Variants in CERT1 observed in about 807,000 individuals in gnomAD.
CERT1 encodes ceramide transfer protein.
CERT1 carries 31 observed loss-of-function variants against 87.9 expected under a neutral mutation model. The ratio of observed to expected loss-of-function variants is 0.35; its 90% CI spans 0.27 to 0.48. The LOEUF (loss-of-function observed/expected upper bound fraction) is 0.48. Ranked by LOEUF, CERT1 falls within the 20% of genes least tolerant of loss-of-function variation. CERT1 has a pLI of 0.99. For synonymous variants in CERT1, 289 were observed against 250.9 expected, an observed-to-expected ratio of 1.15 and a Z score of -1.44; for missense variants, 487 against 758.0, an observed-to-expected ratio of 0.64 and a Z score of 4.20.
At chr5:75,464,571 T>C (rs1178836900) in intron 2 of CERT1, among the ~76,000 whole-genome samples, 2 of 152,056 alleles carry the variant, frequency 1.3e-5, no homozygotes, top group East Asian at 1.9e-4. Flanking sequence ...TGGTAAAGAC[T>C]TGAGCAGTGT....
intron 3 of CERT1, among the ~76,000 whole-genome samples, chr5:75,458,107 T>C (rs1205050177): frequency 6.6e-6 from 1 of 152,132 alleles, no homozygotes; most frequent in African/African-American, 2.4e-5. Flanking sequence ...TCTTAAGTCA[T>C]ACTCAAGAAT....
At chr5:75,495,430 T>C (rs1208214096) in intron 2 of CERT1, among the ~76,000 whole-genome samples, 2 of 152,074 alleles carry the variant, frequency 1.3e-5, no homozygotes, top group Non-Finnish European at 2.9e-5. Context: ...TGGTGGCGCA[T>C]GCCTGTAGTC....
chr5:75,464,463 C>A (rs1765374768), intron 2 of CERT1, among the ~76,000 whole-genome samples: 1 of 152,166 alleles, frequency 6.6e-6, no homozygotes, highest in South Asian at 2.1e-4. Flanking sequence ...CGGGTGAAGG[C>A]AAGCAGATAA....
chr5:75,416,906 A>G lies in CERT1; in HGVS notation c.807T>C (p.Arg269=). 19 of 1,611,604 alleles carry G rather than the reference A, an allele frequency of 1.2e-5. No homozygotes were observed. Among genetic ancestry groups the G allele is most frequent in the Non-Finnish European group, 1.6e-5 (19 of 1,179,082 alleles). ...LSHCIELMVK[R]EDSWQKRLDK... ...CCAGTCTCTTCTGCCAGCTGTCCTC[A>G]CGTTTAACCATTAGTTCAATACAAT... Residue 269 remains arginine, a synonymous_variant, in exon 7 of 17, where the codon CGT becomes CGC. Transcript: ENST00000643780.
chr5:75,477,079 A>G (rs1271498844), intron 2 of CERT1, among the ~76,000 whole-genome samples: 2 of 152,194 alleles, frequency 1.3e-5, no homozygotes, highest in Non-Finnish European at 2.9e-5. Context: ...AATCATATGC[A>G]AAGTATGAAA....
chr5:75,449,707 G>GT (rs1268855181), intron 3 of CERT1, among the ~76,000 whole-genome samples: 2,687 of 143,276 alleles, frequency 0.019, 30 homozygotes, highest in Non-Finnish European at 0.021. Context: ...TGGTGGTGGT[G>GT]TTTTTTTTTT....
At chr5:75,435,668 G>A (rs1033982283) in intron 3 of CERT1, among the ~76,000 whole-genome samples, 31 of 152,096 alleles carry the variant, frequency 2.0e-4, no homozygotes, top group Non-Finnish European at 2.8e-4. Flanking sequence ...GATTGGTTTC[G>A]TTTCTGGACA....
At chr5:75,444,516 T>C (rs1229500657) in intron 3 of CERT1, among the ~76,000 whole-genome samples, 3 of 152,036 alleles carry the variant, frequency 2.0e-5, no homozygotes, top group Non-Finnish European at 4.4e-5. Context: ...CTGTCTAGTT[T>C]ATCACTGTTT....
At chr5:75,446,286 C>G (rs1764531878) in intron 3 of CERT1, among the ~76,000 whole-genome samples, 1 of 152,120 alleles carries the variant, frequency 6.6e-6, no homozygotes, top group Admixed American at 6.5e-5. Flanking sequence ...CTTTGAATAC[C>G]TCTAGTGAAT....
At chr5:75,386,774 T>A (rs528806867) in intron 12 of CERT1, among the ~76,000 whole-genome samples, 9 of 152,314 alleles carry the variant, frequency 5.9e-5, no homozygotes, top group African/African-American at 2.2e-4. Context: ...TTACTCATAT[T>A]ATTGGGACCA....
downstream of CERT1, chr5:75,375,366 C>T (rs1275060886): frequency 6.6e-6 from 1 of 151,926 alleles, no homozygotes; most frequent in African/African-American, 2.4e-5. Flanking sequence ...AGGCGGATTG[C>T]TTGAACTCAG....
At chr5:75,397,854 A>G (rs570668746) in intron 11 of CERT1, among the ~76,000 whole-genome samples, 7 of 152,234 alleles carry the variant, frequency 4.6e-5, no homozygotes, top group Non-Finnish European at 1.0e-4. Flanking sequence ...ACCCGTCTTT[A>G]CTAAGAATAC....
At chr5:75,458,965 T>C (rs1354259742) in intron 3 of CERT1, 100 bp downstream of exon 3, 2 of 674,582 alleles carry the variant, frequency 3.0e-6, no homozygotes, top group African/African-American at 1.8e-5. Flanking sequence ...TAATGTTCAA[T>C]GTTTCAGTAA....
chr5:75,456,334 A>G (rs368608647), intron 3 of CERT1, among the ~76,000 whole-genome samples: 76 of 152,268 alleles, frequency 5.0e-4, no homozygotes, highest in African/African-American at 1.7e-3. Context: ...ACAACAATTA[A>G]CAATGATTTC....
rs925937416 is a variant in CERT1 at position 75,378,399 on chromosome 5, A to G, written c.*947T>C. On this transcript the variant is annotated 3_prime_UTR_variant, in exon 17 of 17. Coordinates refer to ENST00000643780, the MANE Select transcript of CERT1 (RefSeq NM_001379029.1). ...TGCACCACTGCACTCCAGCCTGGGC[A>G]GCAAGAGAGAAACTTTGTCTCAACA... 6.6e-6 allele frequency: 1 copy of G among 152,280 alleles called. No individual in the cohort carries two copies. Among genetic ancestry groups the G allele is most frequent in the Admixed American group, 6.5e-5 (1 of 15,272 alleles). 9.4% of individuals were successfully genotyped at this position (152,280 alleles called of 1,614,324 possible).
intron 2 of CERT1, among the ~76,000 whole-genome samples, chr5:75,499,136 C>G (rs1369599405): frequency 6.6e-6 from 1 of 152,220 alleles, no homozygotes. Context: ...TAAGAAGGAA[C>G]TAACTTGCTT....
chr5:75,387,081 C>G (rs2112019075), intron 12 of CERT1, among the ~76,000 whole-genome samples: 1 of 152,142 alleles, frequency 6.6e-6, no homozygotes, highest in South Asian at 2.1e-4. Context: ...GTTGGCCAAG[C>G]TGGTCTCAAA....
chr5:75,373,787 G>A (rs1761170913), downstream of CERT1: 1 of 281,104 alleles, frequency 3.6e-6, no homozygotes, highest in African/African-American at 2.2e-5. Flanking sequence ...TTCAACTTTT[G>A]TGCTTTTCTT....
In CERT1 at chr5:75,378,485, T is replaced by A. The variant is rs1761416375; in HGVS notation, c.*861A>T. On this transcript the variant is annotated 3_prime_UTR_variant, in exon 17 of 17. Coordinates refer to ENST00000643780, the MANE Select transcript of CERT1 (RefSeq NM_001379029.1). Reference sequence around the variant, plus strand: ...ATAAAGGTGTTCAGTGCTGTACTGGTTGACAGTAAAAATATGGAACCAACT... The same window carrying A: ...ATAAAGGTGTTCAGTGCTGTACTGGATGACAGTAAAAATATGGAACCAACT... The A allele has an allele frequency of 6.6e-6, 1 of 152,140 alleles. No individual in the cohort carries two copies. Among genetic ancestry groups the A allele is most frequent in the South Asian group, 2.1e-4 (1 of 4,828 alleles). 9.4% of individuals were successfully genotyped at this position (152,140 alleles called of 1,614,324 possible).
Sources: allele counts gnomAD v4.1 joint callset (sites outside exome capture counted in the v4.1 genomes callset), GRCh38; gene constraint gnomAD v4.1.1; transcripts MANE v1.5; gene names NCBI Gene and HGNC (gene_info 2026-07-23, HGNC 2026-07-21).